LAMA2: variants seen among roughly 807,000 people sequenced by gnomAD.
LAMA2 encodes laminin subunit alpha 2, also known as laminin subunit alpha-2.
Under a neutral mutation model 364.8 loss-of-function variants are expected in LAMA2, and 269 were observed. The observed-to-expected ratio is 0.74, with a 90% CI of 0.67 to 0.82. LAMA2 has a LOEUF of 0.82. Among genes scored for constraint, LAMA2 ranks in the 40% least tolerant of loss-of-function variants. LAMA2 has a pLI of 0.00. For synonymous variants in LAMA2, 1,379 were observed against 1,370.6 expected (o/e 1.01, Z -0.14); for missense variants, 3,807 against 3,873.2 (o/e 0.98, Z 0.45).
In LAMA2 at chr6:129,144,334, T is replaced by A. The variant is rs553388805; in HGVS notation, c.819+254T>A. On this transcript the variant is annotated intron_variant, in intron 5 of 64. Coordinates refer to ENST00000421865, the MANE Select transcript of LAMA2 (RefSeq NM_000426.4). Reference sequence around the variant, plus strand: ...TTAGCCTTCTCAAACTTTAATTTCTTCTTTTGTAAAATGAGAATCACAATG... The same window carrying A: ...TTAGCCTTCTCAAACTTTAATTTCTACTTTTGTAAAATGAGAATCACAATG... 2.6e-5 allele frequency among the ~76,000 whole-genome samples: 4 copies of A among 152,144 alleles called. No homozygotes were observed. The South Asian group carries it at 8.3e-4, about 32-fold the overall frequency.
intron 17 of LAMA2, among the ~76,000 whole-genome samples, chr6:129,277,517 G>A (rs969923548): frequency 3.9e-5 from 6 of 152,124 alleles, no homozygotes; most frequent in Admixed American, 1.3e-4. Context: ...ATTTGGATGC[G>A]TTATGTCGAG....
rs751190269 is a variant in LAMA2, at chr6:129,137,255, G to GA, written c.640-6634dup. ...TCGTGTAAATTTCTAGTGACAGTAG[G>GA]AAAAAAAAAAAAGACCTTTATTAAA... On this transcript the variant is annotated intron_variant, in intron 4 of 64. Transcript: ENST00000421865. Among the ~76,000 whole-genome samples the GA allele has an allele frequency of 1.3e-3, 181 of 140,322 alleles. 1 individual carries two copies. Among genetic ancestry groups the GA allele is most frequent in the East Asian group, 7.7e-3 (38 of 4,920 alleles). 92.1% of individuals were successfully genotyped at this position (140,322 alleles called of 152,430 possible).
chr6:128,975,338 G>A (rs1023311565), intron 1 of LAMA2, among the ~76,000 whole-genome samples: 1 of 152,104 alleles, frequency 6.6e-6, no homozygotes, highest in South Asian at 2.1e-4. Flanking sequence ...AGAATTTCAG[G>A]CAAATAAAAC....
At chr6:128,914,620 T>A (rs1203289389) in intron 1 of LAMA2, among the ~76,000 whole-genome samples, 1 of 152,150 alleles carries the variant, frequency 6.6e-6, no homozygotes, top group Non-Finnish European at 1.5e-5. Context: ...AGGCTTCAAT[T>A]TTAAAGTTGT....
chr6:128,972,592 T>C (rs1782254079), intron 1 of LAMA2, among the ~76,000 whole-genome samples: 1 of 152,026 alleles, frequency 6.6e-6, no homozygotes, highest in Non-Finnish European at 1.5e-5. Context: ...TTTCTGGGGG[T>C]ATTGATGGGA....
chr6:129,446,528 G>A (rs1782388048), intron 45 of LAMA2, among the ~76,000 whole-genome samples: 1 of 69,964 alleles, frequency 1.4e-5, no homozygotes, highest in Non-Finnish European at 2.7e-5. Context: ...GGGAGGGGAG[G>A]GGAGGGGAGG....
chr6:129,073,821 G>A (rs964537315), intron 3 of LAMA2, among the ~76,000 whole-genome samples: 12 of 152,058 alleles, frequency 7.9e-5, no homozygotes, highest in African/African-American at 1.9e-4. Context: ...TAACTCTGAC[G>A]TTGGAAACAA....
At chr6:128,968,481 T>G (rs1781988166) in intron 1 of LAMA2, among the ~76,000 whole-genome samples, 1 of 152,056 alleles carries the variant, frequency 6.6e-6, no homozygotes, top group African/African-American at 2.4e-5. Flanking sequence ...CATATAATGC[T>G]AAGGATGGGA....
intron 18 of LAMA2, among the ~76,000 whole-genome samples, chr6:129,283,972 CT>C (rs1351508364): frequency 6.6e-6 from 1 of 152,078 alleles, no homozygotes; most frequent in Non-Finnish European, 1.5e-5. Flanking sequence ...AGTTTGTACA[CT>C]GCACAAAGGC....
At chr6:128,910,544 T>G (rs977670953) in intron 1 of LAMA2, among the ~76,000 whole-genome samples, 3 of 151,958 alleles carry the variant, frequency 2.0e-5, no homozygotes, top group African/African-American at 7.2e-5. Context: ...TCTTCTAAAT[T>G]TTTTTCAAAG....
intron 9 of LAMA2, among the ~76,000 whole-genome samples, chr6:129,170,124 C>T (rs1780036007): frequency 1.3e-5 from 2 of 151,252 alleles, no homozygotes; most frequent in Admixed American, 6.6e-5. Context: ...CTCCTGGATT[C>T]ATTAATTTTT....
chr6:129,072,789 AAT>A (rs1302947911), intron 3 of LAMA2, among the ~76,000 whole-genome samples: 5 of 152,076 alleles, frequency 3.3e-5, no homozygotes. Flanking sequence ...AGAACTTTGT[AAT>A]ATTTTACCTC....
intron 1 of LAMA2, among the ~76,000 whole-genome samples, chr6:128,947,183 C>T (rs758383476): frequency 6.6e-6 from 1 of 152,104 alleles, no homozygotes; most frequent in Non-Finnish European, 1.5e-5. Context: ...TAGAATAGAA[C>T]TTTTTAGTAC....
chr6:129,325,840 G>A (rs1484888310), intron 28 of LAMA2, among the ~76,000 whole-genome samples: 2 of 151,902 alleles, frequency 1.3e-5, no homozygotes, highest in Non-Finnish European at 2.9e-5. Flanking sequence ...CACTTTTTAT[G>A]TATTTATTTA....
chr6:129,209,755 G>A (rs1014147015), intron 12 of LAMA2, among the ~76,000 whole-genome samples: 4 of 152,048 alleles, frequency 2.6e-5, no homozygotes, highest in Non-Finnish European at 4.4e-5. Context: ...TGTAATCCCA[G>A]CACTTTGGGA....
intron 29 of LAMA2, among the ~76,000 whole-genome samples, chr6:129,337,752 T>A (rs549912498): frequency 2.6e-5 from 4 of 152,208 alleles, no homozygotes; most frequent in African/African-American, 9.6e-5. Flanking sequence ...ACTTAACAAA[T>A]CTAATATATT....
intron 1 of LAMA2, among the ~76,000 whole-genome samples, chr6:129,023,923 C>T (rs1785622564): frequency 6.6e-6 from 1 of 151,954 alleles, no homozygotes; most frequent in Admixed American, 6.6e-5. Context: ...TCATTCAGTC[C>T]ATTTTTGTTG....
chr6:129,338,532 G>A (rs1311279247), intron 29 of LAMA2, among the ~76,000 whole-genome samples: 1 of 151,978 alleles, frequency 6.6e-6, no homozygotes, highest in East Asian at 1.9e-4. Flanking sequence ...TTAAATCAAT[G>A]GCAAAATATG....
At chr6:128,889,019 G>A (rs993239998) in intron 1 of LAMA2, among the ~76,000 whole-genome samples, 1 of 152,100 alleles carries the variant, frequency 6.6e-6, no homozygotes, top group South Asian at 2.1e-4. Context: ...ATGTGTCTTT[G>A]TAACACTCTT....
Sources: allele counts gnomAD v4.1 joint callset (sites outside exome capture counted in the v4.1 genomes callset), GRCh38; gene constraint gnomAD v4.1.1; transcripts MANE v1.5; gene names NCBI Gene and HGNC (gene_info 2026-07-23, HGNC 2026-07-21).